SESTD1: variants seen among roughly 807,000 people sequenced by gnomAD.
The protein encoded by SESTD1 is SEC14 and spectrin domain containing 1, also known as SEC14 domain and spectrin repeat-containing protein 1.
A neutral mutation model predicts 101.7 loss-of-function variants in SESTD1; 43 were observed. The ratio of observed to expected loss-of-function variants is 0.42; its 90% CI spans 0.33 to 0.55. The LOEUF (loss-of-function observed/expected upper bound fraction) is 0.55, where lower values mean the gene tolerates loss of function less well. SESTD1 is among the 20% of genes least tolerant of loss of function. The probability of loss-of-function intolerance (pLI) is 0.07; values close to 1 mark genes in which losing one functional copy is unlikely to be tolerated. For synonymous variants in SESTD1, 283 were observed against 286.8 expected (o/e 0.99, Z 0.13); for missense variants, 647 against 815.1 (o/e 0.79, Z 2.51).
chr2:179,192,575 G>C (rs2046334274), intron 1 of SESTD1, among the ~76,000 whole-genome samples: 1 of 152,100 alleles, frequency 6.6e-6, no homozygotes, highest in Non-Finnish European at 1.5e-5. Context: ...CTTTGATTCA[G>C]TTTTCCAGGG....
At chr2:179,168,361 T>A (rs989789886) in intron 5 of SESTD1, among the ~76,000 whole-genome samples, 8 of 152,232 alleles carry the variant, frequency 5.3e-5, no homozygotes, top group African/African-American at 1.9e-4. Context: ...GTTAATTGAC[T>A]GTTTATGTAA....
At chr2:179,125,356 G>C (rs2044848074) in intron 10 of SESTD1, among the ~76,000 whole-genome samples, 1 of 152,078 alleles carries the variant, frequency 6.6e-6, no homozygotes, top group Admixed American at 6.6e-5. Flanking sequence ...TTGATCAAAG[G>C]CTATAACCAC....
rs1319279644 is a variant in SESTD1, at chr2:179,149,394, C to T, written c.484G>A (p.Val162Ile). The T allele has an allele frequency of 1.1e-5, 18 of 1,578,464 alleles. No individual in the cohort carries two copies. The highest frequency in any genetic ancestry group is 1.6e-5 in the Non-Finnish European group (18 of 1,157,674). The part of the protein sequence containing the change: ...DHMDWLNKRL[V>I]FEKFTKESTS... ...GATTCCTTTGTAAACTTCTCAAAAA[C>T]CTACAATATGAGTTTTATTAACATA... The change falls in exon 7 of 18, where the codon GTT becomes ATT. Residue 162 changes from valine (V) to isoleucine (I), a missense_variant and splice_region_variant. Around this residue, in one of 3 missense-constraint regions of SESTD1, gnomAD observed 168 missense variants for 235.1 expected, o/e 0.71. Coordinates refer to ENST00000428443, the MANE Select transcript of SESTD1 (RefSeq NM_178123.5).
chr2:179,116,044 C>A (rs868614335), intron 15 of SESTD1, among the ~76,000 whole-genome samples: 44 of 151,684 alleles, frequency 2.9e-4, no homozygotes, highest in African/African-American at 1.0e-3. Context: ...GAGGCCGAGG[C>A]GGGTGGATCG....
chr2:179,248,498 A>G (rs1434448180), intron 1 of SESTD1, among the ~76,000 whole-genome samples: 1 of 152,170 alleles, frequency 6.6e-6, no homozygotes, highest in African/African-American at 2.4e-5. Flanking sequence ...AGCAAATAGT[A>G]TTCAGCAATA....
chr2:179,176,459 C>G lies in SESTD1; in HGVS notation c.244G>C (p.Val82Leu). 6.2e-7 allele frequency: 1 copy of G among 1,613,060 alleles called. No individual in the cohort carries two copies. The highest frequency in any genetic ancestry group is 8.5e-7 in the Non-Finnish European group (1 of 1,179,472). Reference protein sequence around the residue: ...SQWNVVKTVVVMLQNVVPAEV... With the variant: ...SQWNVVKTVVLMLQNVVPAEV... ...AAAACCAAAATTACCTGTAGCATTA[C>G]GACTACTGTTTTCACCACATTCCAC... The change falls in exon 4 of 18, where the codon GTA becomes CTA. Residue 82 changes from valine (V) to leucine (L), a missense_variant. Val to Leu is a conservative substitution (Grantham distance 32, BLOSUM62 1). This residue lies in a region of SESTD1 where 168 missense variants were observed against 235.1 expected (regional missense o/e 0.71). Coordinates refer to ENST00000428443, the MANE Select transcript of SESTD1 (RefSeq NM_178123.5).
chr2:179,110,992 C>T (rs2044493321), intron 17 of SESTD1, among the ~76,000 whole-genome samples: 1 of 152,064 alleles, frequency 6.6e-6, no homozygotes, highest in Non-Finnish European at 1.5e-5. Context: ...ATCTGTGAAA[C>T]ACAGACGAGA....
chr2:179,132,805 A>AC (rs1559105359), intron 9 of SESTD1, among the ~76,000 whole-genome samples: 1 of 152,214 alleles, frequency 6.6e-6, no homozygotes, highest in African/African-American at 2.4e-5. Context: ...TTCTTAACTA[A>AC]CATTTAAGAA....
chr2:179,243,886 G>A (rs994436966), intron 1 of SESTD1, among the ~76,000 whole-genome samples: 1 of 150,356 alleles, frequency 6.7e-6, no homozygotes, highest in African/African-American at 2.5e-5. Flanking sequence ...AACTACATAT[G>A]TACCCCATGA....
chr2:179,152,322 A>G (rs955380099), intron 5 of SESTD1, among the ~76,000 whole-genome samples: 8 of 152,232 alleles, frequency 5.3e-5, no homozygotes, highest in African/African-American at 1.9e-4. Flanking sequence ...CAAGCACCAC[A>G]GAGAGAAAGG....
intron 1 of SESTD1, among the ~76,000 whole-genome samples, chr2:179,206,569 G>C (rs1467268980): frequency 7.4e-6 from 1 of 135,726 alleles, no homozygotes; most frequent in Admixed American, 7.1e-5. Context: ...CCTTAGGGAA[G>C]GTAAGGCAGC....
chr2:179,187,559 A>T (rs761933254), intron 2 of SESTD1, among the ~76,000 whole-genome samples: 5 of 152,144 alleles, frequency 3.3e-5, no homozygotes, highest in Non-Finnish European at 7.4e-5. Context: ...GCTTGGGCCC[A>T]GGAGGTCAAG....
At chr2:179,123,858 C>G (rs747154906) in intron 11 of SESTD1, 29 bp from the exon 12 acceptor site, 3 of 1,510,290 alleles carry the variant, frequency 2.0e-6, no homozygotes, top group Non-Finnish European at 1.8e-6. Context: ...AAAGAGATAA[C>G]CCTGATGTAA....
Position 179,172,246 on chromosome 2 carries a change from G to T in SESTD1, c.256-13C>A. ...CTGGAACAACATTCTATAAAATACA[G>T]AAAAATAATTACAAATTACACATGT... On this transcript the variant is annotated splice_polypyrimidine_tract_variant and intron_variant, in intron 4 of 17. Coordinates refer to ENST00000428443, the MANE Select transcript of SESTD1 (RefSeq NM_178123.5). 1 of 1,506,276 alleles carries T rather than the reference G, an allele frequency of 6.6e-7. No individual in the cohort carries two copies. The allele number at this position is 1,506,276 out of a possible 1,614,324, so 93.3% of individuals were successfully genotyped here. A position where few individuals can be genotyped will look rare whatever the true frequency, so the allele number is the denominator to read the frequency against.
At position 179,202,454 on chromosome 2, in the gene SESTD1, G is replaced by A. The variant is rs1264198911; in HGVS notation, c.-25-10588C>T. ...GTTTTCCTCGAACATAATTTAATTC[G>A]GACCCTTGGCTTTTCTTGATATGTC... On this transcript the variant is annotated intron_variant, in intron 1 of 17. Transcript: ENST00000428443. Among the ~76,000 whole-genome samples, 4 of 133,304 alleles carry A rather than the reference G, an allele frequency of 3.0e-5. 2 individuals carry two copies. Among genetic ancestry groups the A allele is most frequent in the Non-Finnish European group, 6.4e-5 (4 of 62,350 alleles). The allele number at this position is 133,304 out of a possible 152,430, so 87.5% of individuals were successfully genotyped here.
chr2:179,187,627 C>T lies in SESTD1; in HGVS notation c.55+4160G>A, dbSNP rs138116590. Among the ~76,000 whole-genome samples, 107 of 152,230 alleles carry T rather than the reference C, an allele frequency of 7.0e-4. 1 individual carries two copies. Among genetic ancestry groups the T allele is most frequent in the Admixed American group, 1.2e-3 (19 of 15,262 alleles). ...CCAGCCTGGGTGGCAGAACGAGATC[C>T]TGTCTCAAACAAACAAACAAAAAAC... On this transcript the variant is annotated intron_variant, in intron 2 of 17. Transcript: ENST00000428443.
chr2:179,165,157 T>A (rs2045813465), intron 5 of SESTD1, among the ~76,000 whole-genome samples: 1 of 152,166 alleles, frequency 6.6e-6, no homozygotes, highest in African/African-American at 2.4e-5. Flanking sequence ...CTCAACTCAT[T>A]AGGAAATTGG....
rs938939867 is a variant in SESTD1, at chr2:179,104,872, C to T, written c.*5027G>A. 3 of 152,122 alleles carry T rather than the reference C, an allele frequency of 2.0e-5. No homozygotes were observed. The highest frequency in any genetic ancestry group is 1.3e-4 in the Admixed American group (2 of 15,260). The allele number at this position is 152,122 out of a possible 1,614,324, so 9.4% of individuals were successfully genotyped here. ...GCTGTCTTTTGATCTCTAAGTTCTT[C>T]ATGTTCTAGTACAGGTTCTGCTTTT... On this transcript the variant is annotated 3_prime_UTR_variant, in exon 18 of 18. Coordinates refer to ENST00000428443, the MANE Select transcript of SESTD1 (RefSeq NM_178123.5).
At chr2:179,224,207 T>C (rs2046851313) in intron 1 of SESTD1, among the ~76,000 whole-genome samples, 1 of 152,230 alleles carries the variant, frequency 6.6e-6, no homozygotes, top group Non-Finnish European at 1.5e-5. Flanking sequence ...GCTAACATTA[T>C]TGAGCATGTT....
Sources: gnomAD v4.1 joint callset for allele counts (sites outside exome capture counted in the v4.1 genomes callset) on GRCh38, gnomAD v4.1.1 for gene constraint, gnomAD v4.1.1 regional missense constraint, MANE v1.5 for transcripts, NCBI Gene and HGNC (gene_info 2026-07-23, HGNC 2026-07-21) for gene names.